The following FAM171A1 variants were observed in gnomAD, a reference collection of about 807,000 sequenced individuals.
The protein encoded by FAM171A1 is protein FAM171A1.
A neutral mutation model predicts 74.9 loss-of-function variants in FAM171A1; 23 were observed. The observed-to-expected ratio is 0.31, with a 90% CI of 0.22 to 0.44. The LOEUF is 0.44. Ranked by LOEUF, FAM171A1 falls within the 20% of genes least tolerant of loss-of-function variation. The probability of loss-of-function intolerance (pLI) is 1.00; values close to 1 mark genes in which losing one functional copy is unlikely to be tolerated. For missense variants in FAM171A1, 1,162 were observed against 1,159.2 expected (o/e 1.00, Z -0.03); for synonymous variants, 527 against 505.7 (o/e 1.04, Z -0.57).
At chr10:15,231,299 G>A (rs1463373335) in intron 5 of FAM171A1, among the ~76,000 whole-genome samples, 5 of 151,996 alleles carry the variant, frequency 3.3e-5, no homozygotes, top group African/African-American at 1.2e-4. Context: ...CGACCTCCTG[G>A]CTCAAGTGAT....
chr10:15,226,581 T>C (rs150281132), intron 5 of FAM171A1, among the ~76,000 whole-genome samples: 49 of 152,198 alleles, frequency 3.2e-4, no homozygotes, highest in East Asian at 2.1e-3. Flanking sequence ...ACCTGACTCT[T>C]TGCCAAAACT....
chr10:15,223,328 C>G (rs1407813541), intron 5 of FAM171A1, among the ~76,000 whole-genome samples: 1 of 152,252 alleles, frequency 6.6e-6, no homozygotes, highest in Non-Finnish European at 1.5e-5. Context: ...CTCCCCAAAG[C>G]TGGCCCACTA....
At chr10:15,256,180 G>C (rs537562735) in intron 3 of FAM171A1, among the ~76,000 whole-genome samples, 2 of 152,252 alleles carry the variant, frequency 1.3e-5, no homozygotes, top group East Asian at 3.9e-4. Context: ...GCACGGAGCT[G>C]GTGGGCTTTA....
chr10:15,214,460 C>A lies in FAM171A1; in HGVS notation c.1128G>T (p.Pro376=). ...FSRRASEFPG[P]LSVTSHGRPE... ...GGCGGCCGTGGCTGGTGACGGACAG[C>A]GGGCCAGGGAATTCTGACGCTCGGC... Residue 376 remains proline (P), a synonymous_variant, in exon 8 of 8, where the codon CCG becomes CCT. Coordinates refer to ENST00000378116, the MANE Select transcript of FAM171A1 (RefSeq NM_001010924.2). The A allele has an allele frequency of 1.2e-6, 2 of 1,614,106 alleles. No homozygotes were observed. Among genetic ancestry groups the A allele is most frequent in the Non-Finnish European group, 1.7e-6 (2 of 1,180,026 alleles).
chr10:15,372,520 A>G (rs541871849), upstream of FAM171A1, among the ~76,000 whole-genome samples: 1 of 126,996 alleles, frequency 7.9e-6, no homozygotes, highest in African/African-American at 3.0e-5. Context: ...ACATGGTGAA[A>G]CCCTGTCTCT....
At chr10:15,351,959 G>A (rs2099346953) in intron 1 of FAM171A1, among the ~76,000 whole-genome samples, 2 of 151,896 alleles carry the variant, frequency 1.3e-5, no homozygotes, top group Admixed American at 6.6e-5. Flanking sequence ...AGGCCAAGCT[G>A]GATGGACCAC....
At chr10:15,216,685 G>A (rs756240246) in intron 6 of FAM171A1, among the ~76,000 whole-genome samples, 5 of 151,782 alleles carry the variant, frequency 3.3e-5, no homozygotes, top group Middle Eastern at 3.2e-3. Context: ...CCACTGCCTC[G>A]GCCTACCAAA....
intron 5 of FAM171A1, among the ~76,000 whole-genome samples, chr10:15,247,336 G>A (rs1342767604): frequency 6.6e-6 from 1 of 152,080 alleles, no homozygotes; most frequent in Non-Finnish European, 1.5e-5. Flanking sequence ...CGATCATAGC[G>A]ACATCACTCA....
At chr10:15,315,636 C>T (rs1178794484) in intron 1 of FAM171A1, among the ~76,000 whole-genome samples, 1 of 152,142 alleles carries the variant, frequency 6.6e-6, no homozygotes, top group Non-Finnish European at 1.5e-5. Flanking sequence ...TCTCTTCAAC[C>T]CAAAGAATTT....
chr10:15,363,669 T>C (rs546293368), intron 1 of FAM171A1, among the ~76,000 whole-genome samples: 2 of 152,086 alleles, frequency 1.3e-5, no homozygotes, highest in East Asian at 3.9e-4. Flanking sequence ...AGACATGAGG[T>C]TGGATGGAGT....
At chr10:15,272,915 A>G (rs527268506) in intron 3 of FAM171A1, among the ~76,000 whole-genome samples, 2 of 152,360 alleles carry the variant, frequency 1.3e-5, no homozygotes, top group South Asian at 4.1e-4. Flanking sequence ...AATTTATAGC[A>G]CTAAAAGTCC....
chr10:15,251,388 T>C (rs934643675), intron 4 of FAM171A1, among the ~76,000 whole-genome samples: 14 of 151,764 alleles, frequency 9.2e-5, no homozygotes, highest in Non-Finnish European at 2.1e-4. Context: ...CCCCATGTTG[T>C]TTATTCTGCA....
upstream of FAM171A1, among the ~76,000 whole-genome samples, chr10:15,372,395 A>C (rs1836160753): frequency 6.6e-6 from 1 of 152,180 alleles, no homozygotes; most frequent in African/African-American, 2.4e-5. Flanking sequence ...GAAACTCTTC[A>C]CAAAAACCTC....
At chr10:15,247,694 G>C (rs1251899051) in intron 5 of FAM171A1, among the ~76,000 whole-genome samples, 1 of 150,724 alleles carries the variant, frequency 6.6e-6, no homozygotes, top group Non-Finnish European at 1.5e-5. Context: ...GCTGGTCTCA[G>C]ACTCTTGGCC....
At chr10:15,239,314 A>AT (rs967794553) in intron 5 of FAM171A1, among the ~76,000 whole-genome samples, 53 of 150,634 alleles carry the variant, frequency 3.5e-4, no homozygotes, top group African/African-American at 6.1e-4. Context: ...TTTTATTTTT[A>AT]TTTTTTTTTG....
intron 5 of FAM171A1, 132 bp downstream of exon 5, chr10:15,248,507 C>A (rs1288495441): frequency 2.2e-6 from 2 of 926,928 alleles, no homozygotes; most frequent in Non-Finnish European, 3.1e-6. Context: ...CATGAGAAAC[C>A]ACACAATGCA....
chr10:15,349,869 G>T (rs1172269966), intron 1 of FAM171A1, among the ~76,000 whole-genome samples: 1 of 152,154 alleles, frequency 6.6e-6, no homozygotes, highest in Non-Finnish European at 1.5e-5. Context: ...CAGCCACAAA[G>T]ACAACTAAGG....
rs779813413 is a variant in FAM171A1, at chr10:15,213,855, A to C, written c.1733T>G (p.Leu578Arg). 1.2e-6 allele frequency: 2 copies of C among 1,614,192 alleles called. No homozygotes were observed. The highest frequency in any genetic ancestry group is 1.1e-5 in the South Asian group (1 of 91,088). Reference protein sequence around the residue: ...QVNDSVYRKVLPALVIPAHYM... With the variant: ...QVNDSVYRKVRPALVIPAHYM... ...ATGAGCCGGGATGACCAAGGCAGGC[A>C]GTACTTTCCTGTAAACGCTGTCATT... The change falls in exon 8 of 8, where the codon CTG (leucine) becomes CGG (arginine). Residue 578 changes from leucine (L) to arginine (R), a missense_variant. Coordinates refer to ENST00000378116, the MANE Select transcript of FAM171A1 (RefSeq NM_001010924.2). This position sits in a 1 kb window ranked among gnomAD's most constrained non-coding sequence, Gnocchi z 6.8.
chr10:15,372,698 C>CAAAAAAAA (rs59712649), upstream of FAM171A1, among the ~76,000 whole-genome samples: 1 of 88,728 alleles, frequency 1.1e-5, no homozygotes, highest in Non-Finnish European at 2.1e-5. Flanking sequence ...GACCCCGTCT[C>CAAAAAAAA]AAAAAAAAAA....
Sources: allele counts gnomAD v4.1 joint callset (sites outside exome capture counted in the v4.1 genomes callset), GRCh38; gene constraint gnomAD v4.1.1; non-coding constraint Gnocchi (gnomAD v3.1); transcripts MANE v1.5; gene names NCBI Gene and HGNC (gene_info 2026-07-23, HGNC 2026-07-21).